The following ZBBX variants were observed in gnomAD, a reference collection of about 807,000 sequenced individuals.
The protein encoded by ZBBX is zinc finger B-box domain-containing protein 1.
ZBBX carries 101 observed loss-of-function variants against 108.5 expected under a neutral mutation model. The observed-to-expected ratio is 0.93, with a 90% CI of 0.79 to 1.10. The LOEUF (loss-of-function observed/expected upper bound fraction) is 1.10, where lower values mean the gene tolerates loss of function less well. ZBBX is among the 50% of genes least tolerant of loss of function. The pLI, the probability that ZBBX is intolerant of heterozygous loss-of-function variation, is 0.00. For synonymous variants in ZBBX, 356 were observed against 323.4 expected (o/e 1.10, Z -1.08); for missense variants, 1,009 against 941.4 (o/e 1.07, Z -0.94).
At chr3:167,324,337 G>A (rs1736996619) in intron 11 of ZBBX, among the ~76,000 whole-genome samples, 1 of 151,716 alleles carries the variant, frequency 6.6e-6, no homozygotes, top group Non-Finnish European at 1.5e-5. Flanking sequence ...TAGAGATGAG[G>A]TCTCACTACA....
intron 20 of ZBBX, among the ~76,000 whole-genome samples, chr3:167,261,674 C>T (rs950541569): frequency 3.3e-5 from 5 of 151,688 alleles, no homozygotes; most frequent in Non-Finnish European, 7.4e-5. Flanking sequence ...GTCTCACTCC[C>T]ACCATGCCCC....
At position 167,349,029 on chromosome 3, in the gene ZBBX, G is replaced by A. The variant is rs111559845; in HGVS notation, c.528+1391C>T. 1.2e-3 allele frequency among the ~76,000 whole-genome samples: 185 copies of A among 151,978 alleles called. 1 individual carries two copies. The highest frequency in any genetic ancestry group is 6.8e-3 in the Middle Eastern group (2 of 294). On this transcript the variant is annotated intron_variant, in intron 9 of 21. Transcript: ENST00000675490. ...TCTATCTTTTGAAATTATGTGGGAG[G>A]GAGAGGAGAAGACAGGGAGGGAGAG... is the stretch of plus-strand genomic sequence containing the variant.
At chr3:167,269,679 A>G (rs1390253929) in intron 20 of ZBBX, among the ~76,000 whole-genome samples, 1 of 152,188 alleles carries the variant, frequency 6.6e-6, no homozygotes, top group African/African-American at 2.4e-5. Flanking sequence ...TGAGCCTTGT[A>G]TGTCTCTTTA....
At chr3:167,404,339 G>T (rs538220051) in intron 1 of ZBBX, among the ~76,000 whole-genome samples, 3 of 152,276 alleles carry the variant, frequency 2.0e-5, no homozygotes, top group Non-Finnish European at 4.4e-5. Context: ...TAACATTTCT[G>T]CAAGTAGAAA....
intron 1 of ZBBX, 115 bp downstream of exon 1, chr3:167,380,132 T>C (rs541166744): frequency 1.3e-4 from 20 of 152,630 alleles, no homozygotes; most frequent in African/African-American, 4.6e-4. Flanking sequence ...CTGAGTCTGC[T>C]TCCCAGCCGC....
chr3:167,242,066 A>G (rs970686238), intron 21 of ZBBX, among the ~76,000 whole-genome samples: 3 of 152,156 alleles, frequency 2.0e-5, no homozygotes, highest in Non-Finnish European at 2.9e-5. Flanking sequence ...TACAAATTAA[A>G]ATATGTTATT....
the ZBBX span, among the ~76,000 whole-genome samples, chr3:167,215,295 G>A: frequency 6.6e-6 from 1 of 151,960 alleles, no homozygotes; most frequent in Non-Finnish European, 1.5e-5. Flanking sequence ...AACAAAGGGT[G>A]TGTTGCTACT....
At chr3:167,288,092 G>A (rs760965233) in intron 19 of ZBBX, among the ~76,000 whole-genome samples, 3 of 151,912 alleles carry the variant, frequency 2.0e-5, no homozygotes, top group Non-Finnish European at 4.4e-5. Flanking sequence ...TTTTATCCTC[G>A]GGGCCAATCC....
the ZBBX span, among the ~76,000 whole-genome samples, chr3:167,191,934 T>TATATATATATAGAGAGAGAGAGAGAG: frequency 7.7e-6 from 1 of 130,224 alleles, no homozygotes; most frequent in African/African-American, 3.0e-5. Flanking sequence ...TATATATATA[T>TATATATATATAGAGAGAGAGAGAGAG]AGAGCAAGTT....
intron 20 of ZBBX, among the ~76,000 whole-genome samples, chr3:167,277,686 T>C (rs1727882301): frequency 6.6e-6 from 1 of 152,024 alleles, no homozygotes; most frequent in Non-Finnish European, 1.5e-5. Flanking sequence ...AATAGACAGA[T>C]CAACGAGACA....
At position 167,305,743 on chromosome 3, in the gene ZBBX, A is replaced by G. The variant is rs368503728; in HGVS notation, c.1625T>C (p.Ile542Thr). The G allele has an allele frequency of 2.5e-6, 4 of 1,612,452 alleles. No individual in the cohort carries two copies. The highest frequency in any genetic ancestry group is 1.3e-5 in the African/African-American group (1 of 74,878). ...LLGRDLEKAPIEEKLSQDIKE... is the reference protein window; with the variant it reads ...LLGRDLEKAPTEEKLSQDIKE... ...GATGTCTTGAGATAATTTCTCCTCAATGGGAGCTTTTTCTAAATCTCTACC... is the reference window on the plus strand; with the variant it reads ...GATGTCTTGAGATAATTTCTCCTCAGTGGGAGCTTTTTCTAAATCTCTACC... The change falls in exon 17 of 22, where the codon ATT (isoleucine) becomes ACT (threonine). Residue 542 changes from isoleucine to threonine, a missense_variant. Transcript: ENST00000675490.
intron 11 of ZBBX, among the ~76,000 whole-genome samples, chr3:167,326,192 A>T (rs1356375529): frequency 6.6e-6 from 1 of 152,198 alleles, no homozygotes. Context: ...ACTCTACAAG[A>T]GTTACAAATG....
chr3:167,203,751 T>G, the ZBBX span, among the ~76,000 whole-genome samples: 1 of 152,176 alleles, frequency 6.6e-6, no homozygotes, highest in Non-Finnish European at 1.5e-5. Flanking sequence ...TTATTTTATT[T>G]TGTTAAAATT....
intron 11 of ZBBX, among the ~76,000 whole-genome samples, chr3:167,325,811 A>T (rs972420338): frequency 3.9e-5 from 6 of 152,208 alleles, no homozygotes. Context: ...AAAGGTAATG[A>T]CAAAAATAGC....
intron 20 of ZBBX, among the ~76,000 whole-genome samples, chr3:167,277,814 C>G (rs1395073598): frequency 1.3e-5 from 2 of 152,152 alleles, no homozygotes; most frequent in Non-Finnish European, 2.9e-5. Context: ...CAGCACCACA[C>G]CACATCTATT....
chr3:167,254,932 G>A (rs1723233255), intron 20 of ZBBX, among the ~76,000 whole-genome samples: 1 of 152,026 alleles, frequency 6.6e-6, no homozygotes, highest in Non-Finnish European at 1.5e-5. Flanking sequence ...GGGAGAGAGA[G>A]AGACAGAGAA....
chr3:167,330,871 G>GAGGAGGAGAAGAAGA (rs1423113017), intron 10 of ZBBX, among the ~76,000 whole-genome samples: 1 of 43,916 alleles, frequency 2.3e-5, no homozygotes, highest in Non-Finnish European at 4.5e-5. Flanking sequence ...GGAGGAGGAG[G>GAGGAGGAGAAGAAGA]AGAAGAAGAA....
At chr3:167,399,153 C>G (rs577686479) in intron 1 of ZBBX, among the ~76,000 whole-genome samples, 1 of 152,046 alleles carries the variant, frequency 6.6e-6, no homozygotes, top group South Asian at 2.1e-4. Context: ...CTTACTCACT[C>G]ATGCACTCAC....
chr3:167,388,817 A>G (rs77871845), intron 1 of ZBBX, among the ~76,000 whole-genome samples: 2,672 of 152,176 alleles, frequency 0.018, 65 homozygotes, highest in African/African-American at 0.06. Context: ...CAAAGAAGAA[A>G]GACAGAAAAT....
Sources: gnomAD v4.1 joint callset for allele counts (sites outside exome capture counted in the v4.1 genomes callset) on GRCh38, gnomAD v4.1.1 for gene constraint, MANE v1.5 for transcripts, NCBI Gene and HGNC (gene_info 2026-07-23, HGNC 2026-07-21) for gene names.